VPS18: variants seen among roughly 807,000 people sequenced by gnomAD.
The protein encoded by VPS18 is VPS18 core subunit of CORVET and HOPS complexes, also known as vacuolar protein sorting-associated protein 18 homolog.
Under a neutral mutation model 82.0 loss-of-function variants are expected in VPS18, and 25 were observed. That is an observed-to-expected ratio of 0.30 (90% CI 0.22 to 0.43). VPS18 has a LOEUF of 0.43. Ranked by LOEUF, VPS18 falls within the 20% of genes least tolerant of loss-of-function variation. The probability of loss-of-function intolerance (pLI) is 1.00; values close to 1 mark genes in which losing one functional copy is unlikely to be tolerated. For missense variants in VPS18, 1,168 were observed against 1,311.1 expected, an observed-to-expected ratio of 0.89 and a Z score of 1.69; for synonymous variants, 523 against 543.0, an observed-to-expected ratio of 0.96 and a Z score of 0.51.
chr15:40,898,870 C>T (rs754528138), intron 2 of VPS18, 37 bp from the exon 3 acceptor site: 1 of 1,588,272 alleles, frequency 6.3e-7, no homozygotes, highest in Admixed American at 1.7e-5. Context: ...AAAGGATCTT[C>T]CCTTCTCTAA....
intron 1 of VPS18, 106 bp downstream of exon 1, chr15:40,894,965 C>A (rs1892203676): frequency 1.8e-6 from 2 of 1,140,618 alleles, no homozygotes; most frequent in Non-Finnish European, 2.4e-6. Context: ...CTGGGCCGTG[C>A]CTTCCGGGTC....
At position 40,903,284 on chromosome 15, in the gene VPS18, C is replaced by T. The variant is rs754825290; in HGVS notation, c.2865C>T (p.Ile955=). ...GTGGGGAGCTGATGATCCGCTCTATCGACCGGCCGTTCATCGACCCCCAGC... is the reference window on the plus strand; with the variant it reads ...GTGGGGAGCTGATGATCCGCTCTATTGACCGGCCGTTCATCGACCCCCAGC... The part of the protein sequence containing the change: ...VYCGELMIRS[I]DRPFIDPQRY... The change falls in exon 5 of 5, where the codon ATC becomes ATT. Residue 955 remains isoleucine, a synonymous_variant. Coordinates refer to ENST00000220509, the MANE Select transcript of VPS18 (RefSeq NM_020857.3). The T allele has an allele frequency of 8.3e-6, 13 of 1,572,466 alleles. No individual in the cohort carries two copies. Among genetic ancestry groups the T allele is most frequent in the African/African-American group, 6.8e-5 (5 of 73,502 alleles).
Position 40,902,723 on chromosome 15 carries a change from A to C in VPS18, c.2304A>C (p.Glu768Asp), listed in dbSNP as rs148134088. ...CACGGCACGTGGTGCAGGAAGAGGA[A>C]GATGTACAGACAGCCATGGCTTGCC... ...KIARHVVQEE[E>D]DVQTAMACLA... is the part of the protein sequence containing the mutation. The change falls in exon 5 of 5, where the codon GAA (glutamate) becomes GAC (aspartate). Residue 768 changes from glutamate (E) to aspartate (D), a missense_variant. Physicochemically the swap from Glu to Asp is conservative, Grantham distance 45 (BLOSUM62 2). Transcript: ENST00000220509. The surrounding 1 kb of genome is among the most constrained non-coding windows in gnomAD (Gnocchi z 4.2). 2 of 1,614,288 alleles carry C rather than the reference A, an allele frequency of 1.2e-6. No individual in the cohort carries two copies. Among genetic ancestry groups the C allele is most frequent in the Non-Finnish European group, 1.7e-6 (2 of 1,180,052 alleles).
At position 40,899,986 on chromosome 15, in the gene VPS18, C is replaced by G. The variant is rs1204867570; in HGVS notation, c.1168C>G (p.His390Asp). The change falls in exon 4 of 5, where the codon CAC (histidine) becomes GAC (aspartate). Residue 390 changes from histidine (H) to aspartate (D), a missense_variant. Transcript: ENST00000220509. This position sits in a 1 kb window ranked among gnomAD's most constrained non-coding sequence, Gnocchi z 4.4. ...CACTGAGCGGGCTGTCTTCCGCTAC[C>G]ACGTGCAACGGGAGGCCCGAGATGT... ...AYTERAVFRYHVQREARDVWR... is the reference protein window; with the variant it reads ...AYTERAVFRYDVQREARDVWR... 4 of 1,613,974 alleles carry G rather than the reference C, an allele frequency of 2.5e-6. No homozygotes were observed. Among genetic ancestry groups the G allele is most frequent in the Non-Finnish European group, 1.7e-6 (2 of 1,180,054 alleles).
intron 2 of VPS18, chr15:40,898,616 G>A (rs974118738): frequency 2.3e-6 from 1 of 433,710 alleles, no homozygotes; most frequent in Admixed American, 3.5e-5. Context: ...GACCACAGGT[G>A]TGTACCACCA....
At chr15:40,896,131 G>T in intron 2 of VPS18, 52 bp downstream of exon 2, 1 of 1,606,878 alleles carries the variant, frequency 6.2e-7, no homozygotes, top group South Asian at 1.1e-5. Context: ...GGTGTTTGGG[G>T]ACTGTTAACT....
chr15:40,897,290 TTGTC>T (rs1453567308), intron 2 of VPS18, among the ~76,000 whole-genome samples: 1 of 151,350 alleles, frequency 6.6e-6, no homozygotes, highest in Non-Finnish European at 1.5e-5. Context: ...GAGCAAGACT[TTGTC>T]TGAAAAAAAA....
chr15:40,899,405 T>C lies in VPS18; in HGVS notation c.587T>C (p.Leu196Pro). 1 of 1,605,134 alleles carries C rather than the reference T, an allele frequency of 6.2e-7. No homozygotes were observed. Among genetic ancestry groups the C allele is most frequent in the Non-Finnish European group, 8.5e-7 (1 of 1,173,230 alleles). ...PDLYFRPLYV[L>P]NEEGGPAPVC... is the part of the protein sequence containing the mutation. The stretch of plus-strand genomic sequence containing the variant: ...CTCTACTTCCGCCCATTGTACGTGC[T>C]AAATGAAGAAGGGGGTCCAGCACCT... Residue 196 changes from leucine to proline, a missense_variant, in exon 4 of 5, where the codon CTA (leucine) becomes CCA (proline). By Grantham distance (98) the Leu-to-Pro change is moderately conservative (BLOSUM62 -3). Around this residue, in one of 3 missense-constraint regions of VPS18, gnomAD observed 868 missense variants for 939.8 expected, o/e 0.92. Coordinates refer to ENST00000220509, the MANE Select transcript of VPS18 (RefSeq NM_020857.3). This position sits in a 1 kb window ranked among gnomAD's most constrained non-coding sequence, Gnocchi z 4.4.
chr15:40,895,169 C>T (rs1450776097), intron 1 of VPS18, among the ~76,000 whole-genome samples: 1 of 152,128 alleles, frequency 6.6e-6, no homozygotes, highest in Admixed American at 6.5e-5. Flanking sequence ...AATGGGCTCC[C>T]GGCTTCTGCT....
rs527664159 is a variant in VPS18, at chr15:40,900,409, C to T, written c.1591C>T (p.Arg531Cys). Residue 531 changes from arginine (R) to cysteine (C), a missense_variant, in exon 4 of 5, where the codon CGC (arginine) becomes TGC (cysteine). By Grantham distance (180) the Arg-to-Cys change is radical (BLOSUM62 -3). Coordinates refer to ENST00000220509, the MANE Select transcript of VPS18 (RefSeq NM_020857.3). This position sits in a 1 kb window ranked among gnomAD's most constrained non-coding sequence, Gnocchi z 5.4. ...ECFRTFLSSPRHKEWLFASRA... is the reference protein window; with the variant it reads ...ECFRTFLSSPCHKEWLFASRA... ...CTTTCGAACCTTCCTCAGCAGCCCC[C>T]GCCACAAAGAGTGGCTCTTTGCCAG... 87 of 1,613,854 alleles carry T rather than the reference C, an allele frequency of 5.4e-5. No individual in the cohort carries two copies. The highest frequency in any genetic ancestry group is 6.7e-5 in the East Asian group (3 of 44,884).
At position 40,900,627 on chromosome 15, in the gene VPS18, C is replaced by T. The variant is rs773152771; in HGVS notation, c.1809C>T (p.Ile603=). ...QLFYKFSPIL[I]RHIPRQLVDA... is the part of the protein sequence containing the mutation. ...TCTACAAGTTCTCACCCATCCTCAT[C>T]CGTCACATCCCCCGCCAGCTTGTAG... is the stretch of plus-strand genomic sequence containing the variant. The change falls in exon 4 of 5, where the codon ATC becomes ATT. Residue 603 remains isoleucine (I), a synonymous_variant. Transcript: ENST00000220509. The surrounding 1 kb of genome is among the most constrained non-coding windows in gnomAD (Gnocchi z 5.4). 5.0e-6 allele frequency: 8 copies of T among 1,614,146 alleles called. No homozygotes were observed. In the East Asian group the frequency reaches 6.7e-5, roughly 13 times the overall value.
At position 40,902,239 on chromosome 15, in the gene VPS18, G is replaced by C. The variant is rs1596179487; in HGVS notation, c.2197-377G>C. Among the ~76,000 whole-genome samples the C allele has an allele frequency of 6.6e-6, 1 of 151,672 alleles. No individual in the cohort carries two copies. The highest frequency in any genetic ancestry group is 1.9e-4 in the East Asian group (1 of 5,154). On this transcript the variant is annotated intron_variant, in intron 4 of 4. Transcript: ENST00000220509. The surrounding 1 kb of genome is among the most constrained non-coding windows in gnomAD (Gnocchi z 4.2). ...GCCATTCTCCTGGCTCAGCCTCCCG[G>C]GTAGCTGGGACTACAGGCGCCCGCC...
At chr15:40,895,868 T>G in intron 1 of VPS18, 70 bp from the exon 2 acceptor site, 1 of 1,599,332 alleles carries the variant, frequency 6.3e-7, no homozygotes, top group Non-Finnish European at 8.5e-7. Flanking sequence ...ACTGTGGTGT[T>G]TTTTCTGCCT....
Position 40,900,386 on chromosome 15 carries a change from TTCGAACCTTCCTCA to T in VPS18, c.1569_1582del (p.Phe523LeufsTer18). On this transcript the variant is annotated frameshift_variant, in exon 4 of 5. Coordinates refer to ENST00000220509, the MANE Select transcript of VPS18 (RefSeq NM_020857.3). LOFTEE classifies it high-confidence loss of function. The surrounding 1 kb of genome is among the most constrained non-coding windows in gnomAD (Gnocchi z 5.4). ...CTCTACCGAGAAACCAAGGAATGCT[TTCGAACCTTCCTCA>T]GCAGCCCCCGCCACAAAGAGTGGCT... The T allele has an allele frequency of 6.2e-7, 1 of 1,613,632 alleles. No individual in the cohort carries two copies. Among genetic ancestry groups the T allele is most frequent in the Non-Finnish European group, 8.5e-7 (1 of 1,179,940 alleles).
At chr15:40,896,255 C>T (rs1892227517) in intron 2 of VPS18, among the ~76,000 whole-genome samples, 176 bp downstream of exon 2, 1 of 152,144 alleles carries the variant, frequency 6.6e-6, no homozygotes, top group Non-Finnish European at 1.5e-5. Context: ...AGTATCTGGC[C>T]TGGCAGGGCA....
In VPS18 at chr15:40,903,068, G is replaced by A. The variant is rs1892389749; in HGVS notation, c.2649G>A (p.Val883=). 1.9e-6 allele frequency: 3 copies of A among 1,614,170 alleles called. No individual in the cohort carries two copies. Among genetic ancestry groups the A allele is most frequent in the East Asian group, 2.2e-5 (1 of 44,878 alleles). The change falls in exon 5 of 5, where the codon GTG becomes GTA. Residue 883 remains valine, a synonymous_variant. Transcript: ENST00000220509. ...MFHADCLLQA[V]RPGLPAYKQA... ...ATGCTGACTGCCTGCTGCAGGCTGT[G>A]CGACCTGGCCTGCCAGCCTACAAGC...
In VPS18 at chr15:40,900,745, A is replaced by T; in HGVS notation, c.1927A>T (p.Ser643Cys). The change falls in exon 4 of 5, where the codon AGC becomes TGC. Residue 643 changes from serine (S) to cysteine (C), a missense_variant. Ser to Cys is a moderately radical substitution (Grantham distance 112). This residue lies in a region of VPS18 where 868 missense variants were observed against 939.8 expected (regional missense o/e 0.92). Transcript: ENST00000220509. This position sits in a 1 kb window ranked among gnomAD's most constrained non-coding sequence, Gnocchi z 5.4. ...YSQGGEVQQV[S>C]QAIRYMEFCV... ...CCAGGGTGGTGAGGTCCAGCAGGTG[A>T]GCCAGGCCATCCGCTACATGGAGTT... The T allele has an allele frequency of 6.2e-7, 1 of 1,614,152 alleles. No homozygotes were observed. Among genetic ancestry groups the T allele is most frequent in the Non-Finnish European group, 8.5e-7 (1 of 1,180,028 alleles).
At position 40,899,964 on chromosome 15, in the gene VPS18, T is replaced by C. The variant is rs1464812311; in HGVS notation, c.1146T>C (p.Thr382=). The C allele has an allele frequency of 3.1e-6, 5 of 1,613,946 alleles. No individual in the cohort carries two copies. In the East Asian group the frequency reaches 6.7e-5, roughly 22 times the overall value. Residue 382 remains threonine, a synonymous_variant, in exon 4 of 5, where the codon ACT becomes ACC. Transcript: ENST00000220509. This position sits in a 1 kb window ranked among gnomAD's most constrained non-coding sequence, Gnocchi z 4.4. The part of the protein sequence containing the change: ...DSSTGQLWAY[T]ERAVFRYHVQ... ...CCACAGGCCAGCTGTGGGCCTACAC[T>C]GAGCGGGCTGTCTTCCGCTACCACG... is the stretch of plus-strand genomic sequence containing the variant.
chr15:40,897,248 T>C (rs557286525), intron 2 of VPS18, among the ~76,000 whole-genome samples: 27 of 151,498 alleles, frequency 1.8e-4, no homozygotes, highest in South Asian at 8.3e-4. Context: ...TGAGCCGAGA[T>C]CATGCTCACT....
Sources: allele counts gnomAD v4.1 joint callset (sites outside exome capture counted in the v4.1 genomes callset), GRCh38; gene constraint gnomAD v4.1.1; regional missense constraint gnomAD v4.1.1; non-coding constraint Gnocchi (gnomAD v3.1); transcripts MANE v1.5; gene names NCBI Gene and HGNC (gene_info 2026-07-23, HGNC 2026-07-21).